The following ADAMTSL3 variants were observed in gnomAD, a reference collection of about 807,000 sequenced individuals.
The protein encoded by ADAMTSL3 is ADAMTS-like protein 3.
A neutral mutation model predicts 201.7 loss-of-function variants in ADAMTSL3; 128 were observed. The observed-to-expected ratio is 0.63, with a 90% CI of 0.55 to 0.73. The LOEUF is 0.73. ADAMTSL3 is among the 30% of genes least tolerant of loss of function. ADAMTSL3 has a pLI of 0.00. For missense variants in ADAMTSL3, 1,990 were observed against 2,119.6 expected (o/e 0.94, Z 1.20); for synonymous variants, 738 against 748.4 (o/e 0.99, Z 0.23).
rs2065653261 is a variant in ADAMTSL3, at chr15:83,898,124, T to C, written c.1615+119T>C. 6 of 1,163,560 alleles carry C rather than the reference T, an allele frequency of 5.2e-6. No individual in the cohort carries two copies. In the East Asian group the frequency reaches 1.5e-4, roughly 29 times the overall value. 72.1% of individuals were successfully genotyped at this position (1,163,560 alleles called of 1,614,324 possible). Reference sequence around the variant, plus strand: ...TTATAAAAATTGTTTTATTGACAGATTGCAATAGACCTTCCCATCTAGATA... The same window carrying C: ...TTATAAAAATTGTTTTATTGACAGACTGCAATAGACCTTCCCATCTAGATA... On this transcript the variant is annotated intron_variant, in intron 14 of 29. Coordinates refer to ENST00000286744, the MANE Select transcript of ADAMTSL3 (RefSeq NM_207517.3).
rs2067401487 is a variant in ADAMTSL3 at position 83,982,478 on chromosome 15, C to T, written c.2850C>T (p.Gly950=). 6 of 1,614,064 alleles carry T rather than the reference C, an allele frequency of 3.7e-6. No homozygotes were observed. The highest frequency in any genetic ancestry group is 1.3e-5 in the African/African-American group (1 of 74,910). Residue 950 remains glycine (G), a synonymous_variant, in exon 21 of 30, where the codon GGC becomes GGT. Coordinates refer to ENST00000286744, the MANE Select transcript of ADAMTSL3 (RefSeq NM_207517.3). Reference sequence around the variant, plus strand: ...CTCTGATCCAGTGGGAGAAGGATGGCCGTTGCCTGCAGAACTCCAAACGGC... The same window carrying T: ...CTCTGATCCAGTGGGAGAAGGATGGTCGTTGCCTGCAGAACTCCAAACGGC... ...QKSLIQWEKD[G]RCLQNSKRLG...
At chr15:83,883,379 G>T (rs766459875) in intron 9 of ADAMTSL3, among the ~76,000 whole-genome samples, 2 of 151,718 alleles carry the variant, frequency 1.3e-5, no homozygotes, top group Non-Finnish European at 1.5e-5. Context: ...CACCATGTTG[G>T]CCAGGCTGGT....
rs370473202 is a variant in ADAMTSL3, at chr15:83,841,660, G to C, written c.727+3445G>C. On this transcript the variant is annotated intron_variant, in intron 7 of 29. Coordinates refer to ENST00000286744, the MANE Select transcript of ADAMTSL3 (RefSeq NM_207517.3). ...TAAAGGATGTCACACTGATACGGGA[G>C]GGGGGGCAGGAAATTGAAGGGCGGG... Among the ~76,000 whole-genome samples the C allele has an allele frequency of 4.0e-5, 6 of 149,686 alleles. No homozygotes were observed. In the East Asian group the frequency reaches 5.9e-4, roughly 15 times the overall value.
chr15:83,970,561 C>A lies in ADAMTSL3; in HGVS notation c.2568C>A (p.Ile856=), dbSNP rs780607098. 1.9e-6 allele frequency: 3 copies of A among 1,614,200 alleles called. No homozygotes were observed. Among genetic ancestry groups the A allele is most frequent in the Admixed American group, 3.3e-5 (2 of 60,034 alleles). ...GGCTGGCAGCCAAAGGTCGGCGCAT[C>A]CCCCTCAGTGAGATGATGTGCAGGG... ...CQRLAAKGRR[I]PLSEMMCRDL... The change falls in exon 20 of 30, where the codon ATC becomes ATA. Residue 856 remains isoleucine (I), a synonymous_variant. Transcript: ENST00000286744.
rs2066581887 is a variant in ADAMTSL3 at position 83,942,626 on chromosome 15, A to G, written c.2148A>G (p.Ser716=). 6.2e-7 allele frequency: 1 copy of G among 1,613,480 alleles called. No individual in the cohort carries two copies. The change falls in exon 18 of 30, where the codon TCA becomes TCG. Residue 716 remains serine, a synonymous_variant. Coordinates refer to ENST00000286744, the MANE Select transcript of ADAMTSL3 (RefSeq NM_207517.3). ...ATGTGGGCTCTTGGGGGCCCTGCTCAGCTACCTGTGGAGTTGGAATTCAGA... is the reference window on the plus strand; with the variant it reads ...ATGTGGGCTCTTGGGGGCCCTGCTCGGCTACCTGTGGAGTTGGAATTCAGA... ...RWHVGSWGPC[S]ATCGVGIQTR... is the part of the protein sequence containing the mutation.
chr15:83,947,814 T>C (rs1429864014), intron 19 of ADAMTSL3, among the ~76,000 whole-genome samples: 1 of 152,188 alleles, frequency 6.6e-6, no homozygotes, highest in Non-Finnish European at 1.5e-5. Context: ...CTCCCATGGA[T>C]GATTTTCAAT....
intron 4 of ADAMTSL3, among the ~76,000 whole-genome samples, chr15:83,791,206 C>T (rs941731680): frequency 1.3e-5 from 2 of 152,164 alleles, no homozygotes; most frequent in Admixed American, 6.5e-5. Flanking sequence ...AAATCTGTCA[C>T]ATTCTTCACA....
intron 5 of ADAMTSL3, among the ~76,000 whole-genome samples, chr15:83,806,521 G>A (rs368961106): frequency 3.3e-5 from 5 of 152,298 alleles, no homozygotes; most frequent in Admixed American, 1.3e-4. Flanking sequence ...CTGTAAAATT[G>A]GAAGCAAAAA....
intron 7 of ADAMTSL3, among the ~76,000 whole-genome samples, chr15:83,839,908 T>TA (rs1215698429): frequency 1.3e-5 from 2 of 152,176 alleles, no homozygotes; most frequent in Non-Finnish European, 2.9e-5. Flanking sequence ...ACCCCATAAG[T>TA]ATCCAATGTC....
chr15:83,817,011 A>G (rs937717188), intron 5 of ADAMTSL3, among the ~76,000 whole-genome samples: 1 of 152,210 alleles, frequency 6.6e-6, no homozygotes, highest in Non-Finnish European at 1.5e-5. Context: ...AAAGTCATCC[A>G]GTTTTAGTCT....
intron 19 of ADAMTSL3, among the ~76,000 whole-genome samples, chr15:83,947,343 C>T (rs923011682): frequency 1.3e-5 from 2 of 152,340 alleles, no homozygotes; most frequent in East Asian, 1.9e-4. Context: ...TCCTCTTCCC[C>T]GACACTAGCT....
rs1436314870 is a variant in ADAMTSL3, at chr15:83,778,253, C to T, written c.317+4603C>T. On this transcript the variant is annotated intron_variant, in intron 4 of 29. Coordinates refer to ENST00000286744, the MANE Select transcript of ADAMTSL3 (RefSeq NM_207517.3). ...GAACCCAACTAGCTAGACAGGCCAA[C>T]ATTCAAATTCAGGAAATGCAGAGAA... 2.6e-5 allele frequency among the ~76,000 whole-genome samples: 4 copies of T among 152,136 alleles called. No homozygotes were observed. The South Asian group carries it at 6.2e-4, about 24-fold the overall frequency.
intron 9 of ADAMTSL3, among the ~76,000 whole-genome samples, chr15:83,882,391 T>C (rs2065291253): frequency 6.6e-6 from 1 of 152,178 alleles, no homozygotes; most frequent in African/African-American, 2.4e-5. Flanking sequence ...AATTTTTATG[T>C]CATTTTGTAA....
chr15:84,013,978 C>T (rs879924686), intron 23 of ADAMTSL3, among the ~76,000 whole-genome samples: 2 of 152,222 alleles, frequency 1.3e-5, no homozygotes, highest in Non-Finnish European at 2.9e-5. Context: ...AATTGAAACT[C>T]AGCACTTACT....
chr15:83,670,266 A>G lies in ADAMTSL3; in HGVS notation c.69+14436A>G, dbSNP rs1435806281. Among the ~76,000 whole-genome samples the G allele has an allele frequency of 2.3e-4, 35 of 150,476 alleles. No homozygotes were observed. In the East Asian group the frequency reaches 6.4e-3, roughly 27 times the overall value. Reference sequence around the variant, plus strand: ...GTGAGAGACTCTGTCTCCAAAAAAAAAAAAAAAAAAAAAAAAAGAACAGAA... The same window carrying G: ...GTGAGAGACTCTGTCTCCAAAAAAAGAAAAAAAAAAAAAAAAAGAACAGAA... On this transcript the variant is annotated intron_variant, in intron 2 of 29. Coordinates refer to ENST00000286744, the MANE Select transcript of ADAMTSL3 (RefSeq NM_207517.3).
chr15:83,765,603 C>G (rs533940318), intron 3 of ADAMTSL3, among the ~76,000 whole-genome samples: 28 of 152,154 alleles, frequency 1.8e-4, no homozygotes, highest in Non-Finnish European at 4.1e-4. Flanking sequence ...CCAAGAAAGG[C>G]AAGCAGTACT....
At chr15:83,852,801 G>A (rs973720453) in intron 7 of ADAMTSL3, among the ~76,000 whole-genome samples, 3 of 152,056 alleles carry the variant, frequency 2.0e-5, no homozygotes, top group South Asian at 2.1e-4. Flanking sequence ...ATTTTCTCAA[G>A]GCATTTTTTT....
chr15:83,954,321 C>G (rs2066813455), intron 19 of ADAMTSL3, among the ~76,000 whole-genome samples: 1 of 152,174 alleles, frequency 6.6e-6, no homozygotes, highest in Non-Finnish European at 1.5e-5. Context: ...TGCCAAGAGA[C>G]TCTGATACAT....
chr15:83,757,348 C>T (rs2062737701), intron 3 of ADAMTSL3, among the ~76,000 whole-genome samples: 1 of 152,250 alleles, frequency 6.6e-6, no homozygotes, highest in Admixed American at 6.5e-5. Context: ...AGGCTCAACA[C>T]CACATGGTAG....
Sources: gnomAD v4.1 joint callset for allele counts (sites outside exome capture counted in the v4.1 genomes callset) on GRCh38, gnomAD v4.1.1 for gene constraint, MANE v1.5 for transcripts, NCBI Gene and HGNC (gene_info 2026-07-23, HGNC 2026-07-21) for gene names.